Variants in FSIP1 observed in about 807,000 individuals in gnomAD.
The protein encoded by FSIP1 is fibrous sheath-interacting protein 1.
Under a neutral mutation model 60.9 loss-of-function variants are expected in FSIP1, and 65 were observed. The observed-to-expected ratio is 1.07, with a 90% confidence interval of 0.87 to 1.31. FSIP1 has a LOEUF of 1.31. Among genes scored for constraint, FSIP1 ranks in the 40% most tolerant of loss-of-function variants. The pLI is 0.00. For missense variants in FSIP1, 675 were observed against 665.5 expected, an observed-to-expected ratio of 1.01 and a Z score of -0.16; for synonymous variants, 209 against 221.2, an observed-to-expected ratio of 0.94 and a Z score of 0.49.
chr15:39,631,290 T>G (rs761636061), intron 10 of FSIP1, among the ~76,000 whole-genome samples: 1 of 152,194 alleles, frequency 6.6e-6, no homozygotes, highest in Non-Finnish European at 1.5e-5. Context: ...CTCTCCCCGA[T>G]GTCTTGTTCC....
Position 39,617,835 on chromosome 15 carries a change from T to G in FSIP1, c.1599A>C (p.Lys533Asn), listed in dbSNP as rs369862285. ...GTGGATCATCTAAGAAGGAGGGCCT[T>G]TTCAGTCTCCCAATGCCAAGAGTCT... The part of the protein sequence containing the change: ...MSKTLGIGRL[K>N]RPSFLDDPLY... The change falls in exon 11 of 12, where the codon AAA becomes AAC. Residue 533 changes from lysine to asparagine, a missense_variant. Coordinates refer to ENST00000350221, the MANE Select transcript of FSIP1 (RefSeq NM_152597.5). 9.9e-6 allele frequency: 16 copies of G among 1,614,036 alleles called. No homozygotes were observed. Among genetic ancestry groups the G allele is most frequent in the Non-Finnish European group, 1.3e-5 (15 of 1,180,018 alleles).
intron 2 of FSIP1, among the ~76,000 whole-genome samples, chr15:39,772,629 C>A (rs959483526): frequency 1.3e-5 from 2 of 148,550 alleles, no homozygotes; most frequent in Admixed American, 1.3e-4. Flanking sequence ...CTCACTCTGT[C>A]GCTCAGGCTG....
chr15:39,772,474 T>A (rs1897921154), intron 2 of FSIP1, among the ~76,000 whole-genome samples: 1 of 151,344 alleles, frequency 6.6e-6, no homozygotes, highest in Non-Finnish European at 1.5e-5. Flanking sequence ...TTGTATTTTT[T>A]AATAGAAATG....
At chr15:39,662,440 C>T (rs535978502) in intron 10 of FSIP1, among the ~76,000 whole-genome samples, 5 of 151,980 alleles carry the variant, frequency 3.3e-5, no homozygotes, top group East Asian at 3.9e-4. Context: ...AAAAAGGAGG[C>T]GGAAAGATTT....
At chr15:39,623,258 G>C (rs1399553301) in intron 10 of FSIP1, among the ~76,000 whole-genome samples, 1 of 152,140 alleles carries the variant, frequency 6.6e-6, no homozygotes, top group Non-Finnish European at 1.5e-5. Flanking sequence ...TGGATTTCTT[G>C]ACAAGGCAAT....
In FSIP1 at chr15:39,628,418, A is replaced by G. The variant is rs147031447; in HGVS notation, c.1189-10173T>C. ...GCGAAGACGTAGGAGGCCTGCTTTC[A>G]TTCTGGATGGGCAGAGTGTAAGACC... On this transcript the variant is annotated intron_variant, in intron 10 of 11. Coordinates refer to ENST00000350221, the MANE Select transcript of FSIP1 (RefSeq NM_152597.5). 4.3e-4 allele frequency among the ~76,000 whole-genome samples: 66 copies of G among 152,342 alleles called. 1 individual carries two copies. The East Asian group carries it at 0.012, about 28-fold the overall frequency.
chr15:39,695,760 C>A (rs1894789326), intron 10 of FSIP1, among the ~76,000 whole-genome samples: 1 of 152,204 alleles, frequency 6.6e-6, no homozygotes, highest in African/African-American at 2.4e-5. Context: ...TGTTTGCACA[C>A]AACGTAGAGA....
At chr15:39,767,508 G>C (rs545483732) in intron 3 of FSIP1, among the ~76,000 whole-genome samples, 1 of 152,330 alleles carries the variant, frequency 6.6e-6, no homozygotes, top group African/African-American at 2.4e-5. Flanking sequence ...CTGTGCCCAT[G>C]GACCTAAGTG....
In FSIP1 at chr15:39,770,467, ATCTTCATCTGATCCC is replaced by A; in HGVS notation, c.255_269del (p.Glu85_Glu89del). On this transcript the variant is annotated inframe_deletion, in exon 3 of 12. Coordinates refer to ENST00000350221, the MANE Select transcript of FSIP1 (RefSeq NM_152597.5). The stretch of plus-strand genomic sequence containing the variant: ...TTATCTGATGTTGAACCAAATCCAG[ATCTTCATCTGATCCC>A]TCTTCAGCCAATTTTATTTTCTCAG... 6.2e-7 allele frequency: 1 copy of A among 1,609,118 alleles called. No individual in the cohort carries two copies. Among genetic ancestry groups the A allele is most frequent in the Non-Finnish European group, 8.5e-7 (1 of 1,179,030 alleles).
intron 5 of FSIP1, among the ~76,000 whole-genome samples, chr15:39,749,315 G>T (rs1264114399): frequency 1.5e-5 from 2 of 136,968 alleles, no homozygotes; most frequent in Non-Finnish European, 3.1e-5. Flanking sequence ...ATTTTATGAA[G>T]CCAGTATCAC....
rs181715727 is a variant in FSIP1, at chr15:39,665,565, T to A, written c.1189-47320A>T. Among the ~76,000 whole-genome samples the A allele has an allele frequency of 4.1e-3, 618 of 152,324 alleles. 3 individuals carry two copies. Among genetic ancestry groups the A allele is most frequent in the Non-Finnish European group, 6.6e-3 (449 of 68,030 alleles). On this transcript the variant is annotated intron_variant, in intron 10 of 11. Coordinates refer to ENST00000350221, the MANE Select transcript of FSIP1 (RefSeq NM_152597.5). ...TAATGAGAAAACGGAAAATGGTTTT[T>A]CCCCAAGGTCACAGACTAAGGCAGT... is the stretch of plus-strand genomic sequence containing the variant.
intron 10 of FSIP1, among the ~76,000 whole-genome samples, chr15:39,622,614 G>T (rs1053425752): frequency 3.9e-5 from 6 of 152,290 alleles, no homozygotes; most frequent in East Asian, 3.9e-4. Context: ...CTTTAATTTT[G>T]CAATAAACCT....
At chr15:39,666,671 T>C (rs768002496) in intron 10 of FSIP1, among the ~76,000 whole-genome samples, 1 of 152,236 alleles carries the variant, frequency 6.6e-6, no homozygotes, top group Non-Finnish European at 1.5e-5. Context: ...GCTCCACATC[T>C]AAGTGTTCTC....
intron 10 of FSIP1, among the ~76,000 whole-genome samples, chr15:39,670,822 T>G (rs1473078317): frequency 6.6e-6 from 1 of 152,254 alleles, no homozygotes; most frequent in Non-Finnish European, 1.5e-5. Flanking sequence ...GTCACAAACT[T>G]CTAAAGGTGT....
At chr15:39,611,837 A>T (rs921951126) in intron 11 of FSIP1, among the ~76,000 whole-genome samples, 15 of 152,230 alleles carry the variant, frequency 9.9e-5, no homozygotes, top group African/African-American at 3.6e-4. Flanking sequence ...ACTCCATGCA[A>T]ATGAAAACCA....
intron 10 of FSIP1, among the ~76,000 whole-genome samples, chr15:39,621,225 G>A (rs933390045): frequency 2.0e-5 from 3 of 152,174 alleles, no homozygotes; most frequent in African/African-American, 7.2e-5. Context: ...CGTGCTTACA[G>A]AAATGTTTGC....
intron 6 of FSIP1, among the ~76,000 whole-genome samples, chr15:39,741,061 A>C (rs1046208684): frequency 6.6e-6 from 1 of 152,166 alleles, no homozygotes; most frequent in Non-Finnish European, 1.5e-5. Flanking sequence ...TAGATACAAA[A>C]TATAACACTT....
chr15:39,614,370 T>C (rs939953039), intron 11 of FSIP1, among the ~76,000 whole-genome samples: 1 of 152,040 alleles, frequency 6.6e-6, no homozygotes, highest in African/African-American at 2.4e-5. Flanking sequence ...GTGAAAGAAC[T>C]ATATATTGAC....
At chr15:39,680,065 T>C (rs921440170) in intron 10 of FSIP1, among the ~76,000 whole-genome samples, 1 of 152,074 alleles carries the variant, frequency 6.6e-6, no homozygotes, top group Non-Finnish European at 1.5e-5. Flanking sequence ...TCTTAAAACA[T>C]GCCAGTGATA....
Sources: gnomAD v4.1 joint callset for allele counts (sites outside exome capture counted in the v4.1 genomes callset) on GRCh38, gnomAD v4.1.1 for gene constraint, MANE v1.5 for transcripts, NCBI Gene and HGNC (gene_info 2026-07-23, HGNC 2026-07-21) for gene names.